TSR1: variants seen among roughly 807,000 people sequenced by gnomAD.
TSR1 encodes TSR1 ribosome maturation factor.
In TSR1, 81 loss-of-function variants were observed where a neutral mutation model predicts 90.9. The observed-to-expected ratio is 0.89, with a 90% CI of 0.74 to 1.07. The LOEUF (loss-of-function observed/expected upper bound fraction) is 1.07. Ranked by LOEUF, TSR1 falls within the 50% of genes least tolerant of loss-of-function variation. The pLI, the probability that TSR1 is intolerant of heterozygous loss-of-function variation, is 0.00. For missense variants in TSR1, 989 were observed against 987.3 expected (o/e 1.00, Z -0.02); for synonymous variants, 362 against 348.8 (o/e 1.04, Z -0.42).
At chr17:2,331,648 G>A (rs1696719188) in intron 8 of TSR1, among the ~76,000 whole-genome samples, 1 of 152,150 alleles carries the variant, frequency 6.6e-6, no homozygotes, top group Admixed American at 6.6e-5. Context: ...CATGCTTCCT[G>A]TACAGTCTGC....
chr17:2,324,971 G>GT (rs2075566744), intron 12 of TSR1, 142 bp from the exon 13 acceptor site: 1 of 899,204 alleles, frequency 1.1e-6, no homozygotes, highest in African/African-American at 1.7e-5. Context: ...TTGGTAAACT[G>GT]TAAGCCCACA....
Position 2,332,188 on chromosome 17 carries a change from CA to C in TSR1, c.1476del (p.Asp493MetfsTer87), listed in dbSNP as rs1238569902. On this transcript the variant is annotated frameshift_variant, in exon 8 of 15. Coordinates refer to ENST00000301364, the MANE Select transcript of TSR1 (RefSeq NM_018128.5). LOFTEE classifies it high-confidence loss of function. ...ACTAACCGAATTCGAGCAGCCACAT[CA>C]CGGGGCGTGTCCACTTCATCTGGAA... The part of the protein sequence containing the change: ...EMFPDEVDTP[R>X]DVAARIRFQK... 1 of 1,612,944 alleles carries C rather than the reference CA, an allele frequency of 6.2e-7. No homozygotes were observed. Among genetic ancestry groups the C allele is most frequent in the East Asian group, 2.2e-5 (1 of 44,880 alleles).
At chr17:2,324,990 T>C in intron 12 of TSR1, 161 bp from the exon 13 acceptor site, 1 of 734,944 alleles carries the variant, frequency 1.4e-6, no homozygotes, top group East Asian at 2.8e-5. Context: ...CACTTAACCT[T>C]GTCAATAGGT....
intron 2 of TSR1, 103 bp downstream of exon 2, chr17:2,335,934 G>T (rs2064067148): frequency 1.5e-6 from 2 of 1,346,458 alleles, no homozygotes; most frequent in African/African-American, 1.4e-5. Flanking sequence ...CTAGGGCTAT[G>T]CTCTGTCCCT....
rs780421333 is a variant in TSR1, at chr17:2,336,292, G to A, written c.97+39C>T. On this transcript the variant is annotated intron_variant, in intron 1 of 14. Coordinates refer to ENST00000301364, the MANE Select transcript of TSR1 (RefSeq NM_018128.5). ...GGCATGAGGAAAAAGAGTTAATAAC[G>A]GCCAAATAGCCCTTATTCCTTCTAC... 2.4e-5 allele frequency: 39 copies of A among 1,612,212 alleles called. No homozygotes were observed. In the East Asian group the frequency reaches 8.2e-4, roughly 34 times the overall value.
intron 6 of TSR1, 75 bp downstream of exon 6, chr17:2,333,481 GC>G (rs1003603951): frequency 5.7e-6 from 9 of 1,576,488 alleles, no homozygotes; most frequent in African/African-American, 1.3e-5. Context: ...ATCCTATAGG[GC>G]CCTCACTTGG....
chr17:2,324,255 G>T lies in TSR1; in HGVS notation c.2356C>A (p.Pro786Thr). The T allele has an allele frequency of 6.5e-7, 1 of 1,544,456 alleles. No homozygotes were observed. The highest frequency in any genetic ancestry group is 8.7e-7 in the Non-Finnish European group (1 of 1,151,274). ...KWTYDPYVPE[P>T]VPWLKSEISS... ...ATCTCACTTTTCAGCCAGGGTACTG[G>T]TTCTGGTACATATGGATCATAAGTC... The change falls in exon 15 of 15, where the codon CCA becomes ACA. Residue 786 changes from proline to threonine, a missense_variant. Pro to Thr is a conservative substitution (Grantham distance 38, BLOSUM62 -1). Coordinates refer to ENST00000301364, the MANE Select transcript of TSR1 (RefSeq NM_018128.5).
Position 2,323,382 on chromosome 17 carries a change from G to A in TSR1, c.*814C>T, listed in dbSNP as rs151214581. Reference sequence around the variant, plus strand: ...GCAAGAAAAGAAATAGCAAAGCATGGTGTAACTTCTTAGGCAGAAGAAACT... The same window carrying A: ...GCAAGAAAAGAAATAGCAAAGCATGATGTAACTTCTTAGGCAGAAGAAACT... On this transcript the variant is annotated 3_prime_UTR_variant, in exon 15 of 15. Coordinates refer to ENST00000301364, the MANE Select transcript of TSR1 (RefSeq NM_018128.5). 3 of 1,611,424 alleles carry A rather than the reference G, an allele frequency of 1.9e-6. No homozygotes were observed. Among genetic ancestry groups the A allele is most frequent in the Non-Finnish European group, 2.5e-6 (3 of 1,177,904 alleles).
At chr17:2,332,056 G>A in intron 8 of TSR1, 113 bp downstream of exon 8, 2 of 1,190,762 alleles carry the variant, frequency 1.7e-6, no homozygotes, top group Non-Finnish European at 2.4e-6. Context: ...TAGCTCTTCA[G>A]GAGCAGAAAA....
chr17:2,334,857 T>G lies in TSR1; in HGVS notation c.596A>C (p.Lys199Thr). 1 of 1,613,684 alleles carries G rather than the reference T, an allele frequency of 6.2e-7. No individual in the cohort carries two copies. Among genetic ancestry groups the G allele is most frequent in the Non-Finnish European group, 8.5e-7 (1 of 1,179,856 alleles). Reference sequence around the variant, plus strand: ...TAGCTTCTTCCTGGTATCTATTTGTTTCTTCAGTGGGAGGCCAGAAATCCC... The same window carrying G: ...TAGCTTCTTCCTGGTATCTATTTGTGTCTTCAGTGGGAGGCCAGAAATCCC... ...VQGISGLPLK[K>T]QIDTRKKLSK... The change falls in exon 5 of 15, where the codon AAA (lysine) becomes ACA (threonine). Residue 199 changes from lysine (K) to threonine (T), a missense_variant. Lys to Thr is a moderately conservative substitution (Grantham distance 78). Coordinates refer to ENST00000301364, the MANE Select transcript of TSR1 (RefSeq NM_018128.5).
At position 2,324,159 on chromosome 17, in the gene TSR1, T is replaced by C. The variant is rs561395220; in HGVS notation, c.*37A>G. 2.6e-6 allele frequency: 4 copies of C among 1,511,918 alleles called. No homozygotes were observed. In the African/African-American group the frequency reaches 5.6e-5, roughly 21 times the overall value. 93.7% of individuals were successfully genotyped at this position (1,511,918 alleles called of 1,614,324 possible). On this transcript the variant is annotated 3_prime_UTR_variant, in exon 15 of 15. Coordinates refer to ENST00000301364, the MANE Select transcript of TSR1 (RefSeq NM_018128.5). ...CTTGTGCCTCCCATCCCTGGAGTAC[T>C]GACTGGCACCGGTAAGACAGAATCT... is the stretch of plus-strand genomic sequence containing the variant.
chr17:2,332,445 T>C, intron 7 of TSR1, 86 bp from the exon 8 acceptor site: 1 of 1,154,128 alleles, frequency 8.7e-7, no homozygotes, highest in Non-Finnish European at 1.2e-6. Flanking sequence ...AAAATAATTG[T>C]ACTAGATCCC....
In TSR1 at chr17:2,324,189, G is replaced by A. The variant is rs1477130729; in HGVS notation, c.*7C>T. 4 of 1,515,738 alleles carry A rather than the reference G, an allele frequency of 2.6e-6. No homozygotes were observed. Among genetic ancestry groups the A allele is most frequent in the Non-Finnish European group, 3.5e-6 (4 of 1,136,582 alleles). The allele number at this position is 1,515,738 out of a possible 1,614,324, so 93.9% of individuals were successfully genotyped here. A position where few individuals can be genotyped will look rare whatever the true frequency, so the allele number is the denominator to read the frequency against. On this transcript the variant is annotated 3_prime_UTR_variant, in exon 15 of 15. Coordinates refer to ENST00000301364, the MANE Select transcript of TSR1 (RefSeq NM_018128.5). ...GGCACCGGTAAGACAGAATCTCTTTGAATCCATTACTCCATGCCCCCTTGA... is the reference window on the plus strand; with the variant it reads ...GGCACCGGTAAGACAGAATCTCTTTAAATCCATTACTCCATGCCCCCTTGA...
At chr17:2,327,976 C>A (rs1010270724) in intron 11 of TSR1, among the ~76,000 whole-genome samples, 4 of 151,924 alleles carry the variant, frequency 2.6e-5, no homozygotes, top group African/African-American at 4.8e-5. Flanking sequence ...ACTGGCCAGG[C>A]GCAGTGGCTC....
chr17:2,336,406 G>A lies in TSR1; in HGVS notation c.22C>T (p.Pro8Ser), dbSNP rs139457056. The change falls in exon 1 of 15, where the codon CCG becomes TCG. Residue 8 changes from proline (P) to serine (S), a missense_variant. By Grantham distance (74) the Pro-to-Ser change is moderately conservative. Coordinates refer to ENST00000301364, the MANE Select transcript of TSR1 (RefSeq NM_018128.5). MAAHRPG[P>S]LKQQNKAHKG... ...TGAGCTTTATTCTGCTGCTTGAGCG[G>A]GCCGGGGCGGTGGGCCGCCATGCCG... 29 of 1,611,908 alleles carry A rather than the reference G, an allele frequency of 1.8e-5. No individual in the cohort carries two copies. The highest frequency in any genetic ancestry group is 2.4e-5 in the Non-Finnish European group (28 of 1,179,990).
chr17:2,331,255 C>T (rs2064001344), intron 8 of TSR1, 146 bp from the exon 9 acceptor site: 3 of 622,274 alleles, frequency 4.8e-6, no homozygotes, highest in Non-Finnish European at 5.1e-6. Context: ...TAAACCAAGA[C>T]GACACTCCGA....
chr17:2,323,898 A>G lies in TSR1; in HGVS notation c.*298T>C, dbSNP rs751223644. 74 of 1,600,098 alleles carry G rather than the reference A, an allele frequency of 4.6e-5. No individual in the cohort carries two copies. Among genetic ancestry groups the G allele is most frequent in the Non-Finnish European group, 6.1e-5 (71 of 1,168,256 alleles). Reference sequence around the variant, plus strand: ...ATTTACAGAAAAGGAAATGGTGGGAATTCAGTGTCTTTAGATACTGAAGAC... The same window carrying G: ...ATTTACAGAAAAGGAAATGGTGGGAGTTCAGTGTCTTTAGATACTGAAGAC... On this transcript the variant is annotated 3_prime_UTR_variant, in exon 15 of 15. Transcript: ENST00000301364.
chr17:2,323,106 G>T lies in TSR1; in HGVS notation c.*1090C>A. 1.2e-6 allele frequency: 2 copies of T among 1,609,696 alleles called. No individual in the cohort carries two copies. The highest frequency in any genetic ancestry group is 1.7e-6 in the Non-Finnish European group (2 of 1,176,070). On this transcript the variant is annotated 3_prime_UTR_variant, in exon 15 of 15. Coordinates refer to ENST00000301364, the MANE Select transcript of TSR1 (RefSeq NM_018128.5). ...CATGCAGGCAATGTTGTGGTTTGTT[G>T]TTAAGATGTCTTAATATTCCTCTTC...
rs754274219 is a variant in TSR1 at position 2,333,124 on chromosome 17, T to C, written c.1142A>G (p.Asp381Gly). Residue 381 changes from aspartate to glycine, a missense_variant and splice_region_variant, in exon 7 of 15, where the codon GAT becomes GGT. Asp to Gly is a moderately conservative substitution (Grantham distance 94). Transcript: ENST00000301364. ...CACCTTAGAACTTTCCTTCAAGAAATCTGTAAAAGCCCAAACAAATTAAGT... is the reference window on the plus strand; with the variant it reads ...CACCTTAGAACTTTCCTTCAAGAAACCTGTAAAAGCCCAAACAAATTAAGT... The part of the protein sequence containing the change: ...PTEEELSEAK[D>G]FLKESSKVVK... The C allele has an allele frequency of 1.6e-5, 26 of 1,613,234 alleles. No homozygotes were observed. The East Asian group carries it at 5.8e-4, about 36-fold the overall frequency.
Sources: gnomAD v4.1 joint callset for allele counts (sites outside exome capture counted in the v4.1 genomes callset) on GRCh38, gnomAD v4.1.1 for gene constraint, MANE v1.5 for transcripts, NCBI Gene and HGNC (gene_info 2026-07-23, HGNC 2026-07-21) for gene names.